SAMMSON: variants seen among roughly 807,000 people sequenced by gnomAD.
SAMMSON encodes survival associated mitochondrial melanoma specific oncogenic non-coding RNA, also known as long intergenic non-protein coding RNA 1212.
rs376303244 is a variant in SAMMSON, at chr3:70,433,129, C to T, written n.234-29431C>T. On this transcript the variant is annotated intron_variant and non_coding_transcript_variant, in intron 2 of 3. Coordinates refer to the SAMMSON transcript ENST00000641053. ...TAAAGCTGCTATAAACATCTGTGTG[C>T]ACATTTCTATGTGGATATAAGTTTT... Among the ~76,000 whole-genome samples, 30 of 152,088 alleles carry T rather than the reference C, an allele frequency of 2.0e-4. 1 individual carries two copies. The highest frequency in any genetic ancestry group is 9.6e-4 in the East Asian group (5 of 5,204).
At chr3:70,307,173 C>G (rs527306158) in intron 7 of SAMMSON, among the ~76,000 whole-genome samples, 2 of 152,034 alleles carry the variant, frequency 1.3e-5, no homozygotes, top group African/African-American at 2.4e-5. Context: ...TTCATTTGTC[C>G]TTGGTATTTT....
intron 2 of SAMMSON, among the ~76,000 whole-genome samples, chr3:70,426,734 T>G (rs935305758): frequency 3.3e-5 from 5 of 152,206 alleles, no homozygotes; most frequent in African/African-American, 1.2e-4. Flanking sequence ...ATAGTGGAGT[T>G]TTTTGTATGC....
At chr3:70,182,462 A>T (rs1701060871) in intron 4 of SAMMSON, among the ~76,000 whole-genome samples, 1 of 152,152 alleles carries the variant, frequency 6.6e-6, no homozygotes, top group African/African-American at 2.4e-5. Flanking sequence ...GAGAGTGTTC[A>T]GGGTACAATT....
chr3:70,431,627 C>G (rs1391509419), intron 2 of SAMMSON, among the ~76,000 whole-genome samples: 1 of 151,988 alleles, frequency 6.6e-6, no homozygotes, highest in Non-Finnish European at 1.5e-5. Flanking sequence ...ATAATTAACA[C>G]ACAATTCACA....
At chr3:70,045,049 A>G (rs1296118335) in intron 3 of SAMMSON, among the ~76,000 whole-genome samples, 1 of 120,028 alleles carries the variant, frequency 8.3e-6, no homozygotes, top group Non-Finnish European at 1.6e-5. Flanking sequence ...ATTAATATAT[A>G]TAATTAATTA....
At chr3:70,367,166 A>G (rs899776221) in intron 9 of SAMMSON, among the ~76,000 whole-genome samples, 1 of 151,630 alleles carries the variant, frequency 6.6e-6, no homozygotes, top group Non-Finnish European at 1.5e-5. Context: ...TATTTGTGTT[A>G]AGAACACAAA....
chr3:70,337,034 A>T (rs983115385), intron 7 of SAMMSON, among the ~76,000 whole-genome samples: 1 of 136,562 alleles, frequency 7.3e-6, no homozygotes, highest in Non-Finnish European at 1.6e-5. Context: ...ATTAATAATA[A>T]TATCTAACTT....
intron 4 of SAMMSON, among the ~76,000 whole-genome samples, chr3:70,093,123 G>C (rs1374613393): frequency 6.6e-6 from 1 of 152,016 alleles, no homozygotes; most frequent in Non-Finnish European, 1.5e-5. Context: ...AACAATGTGA[G>C]CTTCCATAGC....
chr3:70,051,355 G>T (rs1265626417), intron 3 of SAMMSON, among the ~76,000 whole-genome samples: 3 of 149,368 alleles, frequency 2.0e-5, no homozygotes, highest in Non-Finnish European at 3.0e-5. Context: ...CAGGGAAGAT[G>T]TTCAGAGTAG....
chr3:70,277,915 G>A (rs571612353), intron 6 of SAMMSON, among the ~76,000 whole-genome samples: 1 of 152,216 alleles, frequency 6.6e-6, no homozygotes, highest in South Asian at 2.1e-4. Flanking sequence ...GACCCTACTG[G>A]CCAGATTTCA....
intron 4 of SAMMSON, among the ~76,000 whole-genome samples, chr3:70,229,316 AT>A (rs1026667005): frequency 6.6e-5 from 10 of 152,318 alleles, no homozygotes; most frequent in African/African-American, 2.4e-4. Context: ...TATTAGGAAT[AT>A]TCTGTATTCA....
At chr3:70,058,093 T>TGTGAA (rs1327205574) in intron 3 of SAMMSON, among the ~76,000 whole-genome samples, 2 of 152,076 alleles carry the variant, frequency 1.3e-5, no homozygotes, top group Non-Finnish European at 2.9e-5. Context: ...CCATCTAAAC[T>TGTGAA]GTGAATTTAA....
intron 4 of SAMMSON, among the ~76,000 whole-genome samples, chr3:70,107,818 C>A (rs181687537): frequency 7.0e-4 from 107 of 152,154 alleles, no homozygotes; most frequent in Admixed American, 1.4e-3. Context: ...GACCCAGATA[C>A]ATGGAGAATT....
At chr3:70,215,335 T>C (rs1701398647) in intron 4 of SAMMSON, among the ~76,000 whole-genome samples, 2 of 152,116 alleles carry the variant, frequency 1.3e-5, no homozygotes, top group Admixed American at 1.3e-4. Context: ...ATTTCGAAAC[T>C]GCTTCAGAAA....
intron 3 of SAMMSON, chr3:70,030,495 C>CA (rs1196307213): frequency 6.6e-6 from 1 of 152,128 alleles, no homozygotes; most frequent in East Asian, 1.9e-4. Context: ...GACCATATGC[C>CA]ACACATGCTA....
intron 3 of SAMMSON, among the ~76,000 whole-genome samples, chr3:70,059,055 A>G (rs1012710509): frequency 2.6e-5 from 4 of 152,098 alleles, no homozygotes; most frequent in African/African-American, 9.7e-5. Flanking sequence ...AGCCTGGGCT[A>G]TATCTGGTCT....
At chr3:70,168,831 T>C (rs2067648470) in intron 4 of SAMMSON, among the ~76,000 whole-genome samples, 1 of 152,012 alleles carries the variant, frequency 6.6e-6, no homozygotes, top group Non-Finnish European at 1.5e-5. Flanking sequence ...GGGTTATTGG[T>C]TACTTTTTGC....
intron 4 of SAMMSON, among the ~76,000 whole-genome samples, chr3:70,136,208 C>T (rs192565608): frequency 1.3e-4 from 20 of 152,240 alleles, no homozygotes; most frequent in Admixed American, 7.2e-4. Context: ...GTATTCACAC[C>T]GTTGTGTAGT....
chr3:70,282,643 C>A (rs1434909138), intron 6 of SAMMSON, among the ~76,000 whole-genome samples: 4 of 152,140 alleles, frequency 2.6e-5, no homozygotes, highest in African/African-American at 9.7e-5. Context: ...ATGGTTCTTG[C>A]CCTCATTTCA....
Sources: gnomAD v4.1 joint callset for allele counts (sites outside exome capture counted in the v4.1 genomes callset) on GRCh38, gnomAD v4.1.1 for gene constraint, MANE v1.5 for transcripts, NCBI Gene and HGNC (gene_info 2026-07-23, HGNC 2026-07-21) for gene names.